The following AK5 variants were observed in gnomAD, a reference collection of about 807,000 sequenced individuals.
The protein encoded by AK5 is adenylate kinase isoenzyme 5.
Under a neutral mutation model 69.5 loss-of-function variants are expected in AK5, and 27 were observed. The ratio of observed to expected loss-of-function variants is 0.39; its 90% CI spans 0.29 to 0.54. The LOEUF (loss-of-function observed/expected upper bound fraction) is 0.54. AK5 is among the 20% of genes least tolerant of loss of function. AK5 has a pLI of 0.71. For synonymous variants in AK5, 260 were observed against 244.4 expected (o/e 1.06, Z -0.60); for missense variants, 531 against 700.4 (o/e 0.76, Z 2.73).
At chr1:77,314,414 A>ATT (rs1333713483) in intron 5 of AK5, 2 of 150,992 alleles carry the variant, frequency 1.3e-5, no homozygotes, top group Non-Finnish European at 2.9e-5. Flanking sequence ...AAAAAAATAA[A>ATT]AAAAAAAAAG....
chr1:77,292,567 C>T lies in AK5; in HGVS notation c.248-1226C>T, dbSNP rs1172838642. Among the ~76,000 whole-genome samples, 5 of 152,250 alleles carry T rather than the reference C, an allele frequency of 3.3e-5. 1 individual carries two copies. The highest frequency in any genetic ancestry group is 3.3e-4 in the Admixed American group (5 of 15,290). Reference sequence around the variant, plus strand: ...TTGGGTAGTTAGTGCTTCTCTGTGCCTCCTGGAATACTGACCCCTGAGGTA... The same window carrying T: ...TTGGGTAGTTAGTGCTTCTCTGTGCTTCCTGGAATACTGACCCCTGAGGTA... On this transcript the variant is annotated intron_variant, in intron 2 of 13. Coordinates refer to ENST00000354567, the MANE Select transcript of AK5 (RefSeq NM_174858.3).
intron 8 of AK5, among the ~76,000 whole-genome samples, chr1:77,427,271 A>G (rs1392648388): frequency 6.6e-6 from 1 of 152,092 alleles, no homozygotes; most frequent in Non-Finnish European, 1.5e-5. Flanking sequence ...CTAACCAAGG[A>G]AAAAATAGAG....
intron 6 of AK5, among the ~76,000 whole-genome samples, chr1:77,368,227 A>G (rs1647036677): frequency 3.4e-5 from 1 of 29,610 alleles, no homozygotes; most frequent in Non-Finnish European, 6.7e-5. Flanking sequence ...ATATATATAT[A>G]TATATATATA....
chr1:77,326,798 A>G (rs1660824670), intron 5 of AK5, among the ~76,000 whole-genome samples: 1 of 152,190 alleles, frequency 6.6e-6, no homozygotes, highest in Non-Finnish European at 1.5e-5. Flanking sequence ...TAACACTGTT[A>G]TTTCTTTTTT....
intron 10 of AK5, among the ~76,000 whole-genome samples, chr1:77,513,970 T>G (rs1009677607): frequency 1.3e-5 from 2 of 152,204 alleles, no homozygotes; most frequent in Admixed American, 1.3e-4. Context: ...TTAGACTCCC[T>G]GGGCTGGCAA....
intron 10 of AK5, among the ~76,000 whole-genome samples, chr1:77,490,542 G>A (rs1279404477): frequency 6.6e-6 from 1 of 152,132 alleles, no homozygotes; most frequent in African/African-American, 2.4e-5. Flanking sequence ...AACAAAGAAG[G>A]GATTCCCACA....
rs1553135335 is a variant in AK5, at chr1:77,340,583, C to T, written c.891+15C>T. On this transcript the variant is annotated intron_variant, in intron 6 of 13. Coordinates refer to ENST00000354567, the MANE Select transcript of AK5 (RefSeq NM_174858.3). ...TCATCATGACAGTAAGTTAGCTCGA[C>T]TTTTACAAGTCCAATACAAGAGCGC... is the stretch of plus-strand genomic sequence containing the variant. 5.6e-6 allele frequency: 9 copies of T among 1,610,084 alleles called. No homozygotes were observed. Among genetic ancestry groups the T allele is most frequent in the Non-Finnish European group, 7.6e-6 (9 of 1,177,484 alleles).
chr1:77,511,567 T>C (rs933802226), intron 10 of AK5, among the ~76,000 whole-genome samples: 2 of 152,218 alleles, frequency 1.3e-5, no homozygotes, highest in Non-Finnish European at 1.5e-5. Flanking sequence ...CATCCATTCA[T>C]GGACATCCAA....
rs528484451 is a variant in AK5, at chr1:77,295,514, C to A, written c.415+1554C>A. Among the ~76,000 whole-genome samples, 11 of 152,240 alleles carry A rather than the reference C, an allele frequency of 7.2e-5. No individual in the cohort carries two copies. In the South Asian group the frequency reaches 2.3e-3, roughly 32 times the overall value. On this transcript the variant is annotated intron_variant, in intron 3 of 13. Coordinates refer to ENST00000354567, the MANE Select transcript of AK5 (RefSeq NM_174858.3). ...CGCTGTTACGCCATAAACCTCTATT[C>A]TTGCAAGTGGAATACATTCTTTTTA... is the stretch of plus-strand genomic sequence containing the variant.
intron 8 of AK5, among the ~76,000 whole-genome samples, chr1:77,475,797 G>A (rs965326142): frequency 6.6e-5 from 10 of 151,914 alleles, no homozygotes; most frequent in African/African-American, 2.2e-4. Context: ...ATTAAAATGG[G>A]AACTTTGCCC....
chr1:77,318,833 C>T (rs1443136492), intron 5 of AK5, among the ~76,000 whole-genome samples: 1 of 151,818 alleles, frequency 6.6e-6, no homozygotes, highest in African/African-American at 2.4e-5. Flanking sequence ...TTACAATTTA[C>T]AATATTTATA....
intron 10 of AK5, among the ~76,000 whole-genome samples, chr1:77,497,646 G>A (rs1179595686): frequency 6.6e-6 from 1 of 152,184 alleles, no homozygotes; most frequent in Non-Finnish European, 1.5e-5. Flanking sequence ...GAAGTGCAGT[G>A]GTGCAATCAT....
At chr1:77,461,493 C>T (rs1477754346) in intron 8 of AK5, among the ~76,000 whole-genome samples, 7 of 151,444 alleles carry the variant, frequency 4.6e-5, no homozygotes, top group African/African-American at 1.7e-4. Flanking sequence ...CTATTGTGGC[C>T]GGGCACGGTG....
chr1:77,290,921 A>C (rs1658651892), intron 2 of AK5, among the ~76,000 whole-genome samples: 1 of 152,208 alleles, frequency 6.6e-6, no homozygotes, highest in Non-Finnish European at 1.5e-5. Context: ...GCACAATGGC[A>C]CTATAGGAAA....
At position 77,436,197 on chromosome 1, in the gene AK5, A is replaced by G. The variant is rs142624573; in HGVS notation, c.1059+18482A>G. Among the ~76,000 whole-genome samples the G allele has an allele frequency of 5.3e-3, 805 of 152,108 alleles. 9 individuals are homozygous for G. The highest frequency in any genetic ancestry group is 0.018 in the African/African-American group (760 of 41,514). On this transcript the variant is annotated intron_variant, in intron 8 of 13. Transcript: ENST00000354567. The stretch of plus-strand genomic sequence containing the variant: ...GTTTCTATTTCCTTTCTAAATTCGT[A>G]TTTTGAAACAATCTTTAAATAACCT...
intron 8 of AK5, among the ~76,000 whole-genome samples, chr1:77,477,996 C>T (rs753080972): frequency 6.6e-6 from 1 of 152,116 alleles, no homozygotes; most frequent in African/African-American, 2.4e-5. Flanking sequence ...GTGGGCATAT[C>T]TGAATACATG....
intron 1 of AK5, chr1:77,283,109 A>G: frequency 1.2e-5 from 12 of 985,866 alleles, no homozygotes; most frequent in Non-Finnish European, 1.4e-5. Flanking sequence ...GCAGCACAGC[A>G]TCATCTGCAC....
chr1:77,503,996 G>A (rs61778704), intron 10 of AK5, among the ~76,000 whole-genome samples: 4,631 of 151,992 alleles, frequency 0.03, 66 homozygotes, highest in Middle Eastern at 0.079. Flanking sequence ...CCACCCTGCC[G>A]ATTCAAATAT....
chr1:77,294,061 T>G (rs1658846172), intron 3 of AK5, 101 bp downstream of exon 3: 2 of 1,044,766 alleles, frequency 1.9e-6, no homozygotes. Flanking sequence ...AGTTGGATAA[T>G]GACAAGCAAT....
Sources: gnomAD v4.1 joint callset for allele counts (sites outside exome capture counted in the v4.1 genomes callset) on GRCh38, gnomAD v4.1.1 for gene constraint, MANE v1.5 for transcripts, NCBI Gene and HGNC (gene_info 2026-07-23, HGNC 2026-07-21) for gene names.